SGSM1: variants seen among roughly 807,000 people sequenced by gnomAD.
SGSM1 encodes the protein RUN and TBC1 domain containing 2.
Under a neutral mutation model 133.8 loss-of-function variants are expected in SGSM1, and 73 were observed. The ratio of observed to expected loss-of-function variants is 0.55; its 90% confidence interval spans 0.45 to 0.66. The LOEUF (loss-of-function observed/expected upper bound fraction) is 0.66. SGSM1 is among the 30% of genes least tolerant of loss of function. The pLI, the probability that SGSM1 is intolerant of heterozygous loss-of-function variation, is 0.00. For missense variants in SGSM1, 1,213 were observed against 1,448.1 expected, an observed-to-expected ratio of 0.84 and a Z score of 2.64; for synonymous variants, 563 against 573.0, an observed-to-expected ratio of 0.98 and a Z score of 0.25.
At chr22:24,878,041 C>G (rs1932118644) in intron 13 of SGSM1, among the ~76,000 whole-genome samples, 1 of 151,982 alleles carries the variant, frequency 6.6e-6, no homozygotes, top group African/African-American at 2.4e-5. Context: ...GAACCCCTGA[C>G]CTCAAGTGAT....
At chr22:24,874,345 C>T (rs1353693098) in intron 12 of SGSM1, 2 of 1,491,422 alleles carry the variant, frequency 1.3e-6, no homozygotes, top group Non-Finnish European at 1.8e-6. Context: ...ACTGGCTCTT[C>T]CAGCTGTCTC....
At chr22:24,816,866 C>T (rs1601885352) in intron 2 of SGSM1, among the ~76,000 whole-genome samples, 1 of 152,292 alleles carries the variant, frequency 6.6e-6, no homozygotes, top group Non-Finnish European at 1.5e-5. Context: ...ATTCTGCCAG[C>T]TTGGCATTTC....
At chr22:24,908,912 T>TATGCAAATGGCCAAC (rs1228848812) in intron 21 of SGSM1, among the ~76,000 whole-genome samples, 2 of 152,016 alleles carry the variant, frequency 1.3e-5, no homozygotes, top group African/African-American at 4.8e-5. Context: ...AAATGGCCAA[T>TATGCAAATGGCCAAC]AAGCACATTA....
intron 21 of SGSM1, among the ~76,000 whole-genome samples, chr22:24,909,838 G>A (rs139759): frequency 0.38 from 57,487 of 151,876 alleles, 11,300 homozygotes; most frequent in East Asian, 0.64. Flanking sequence ...AATTTCATCC[G>A]TAGATATATG....
intron 24 of SGSM1, among the ~76,000 whole-genome samples, chr22:24,920,229 G>A (rs899869983): frequency 1.3e-5 from 2 of 152,162 alleles, no homozygotes; most frequent in African/African-American, 4.8e-5. Flanking sequence ...CAGCTCAGGG[G>A]CAAAGTCTGG....
chr22:24,866,847 G>A (rs558881689), intron 9 of SGSM1, among the ~76,000 whole-genome samples: 3 of 152,336 alleles, frequency 2.0e-5, no homozygotes, highest in African/African-American at 7.2e-5. Context: ...GTCCGAGGGT[G>A]GAGAGTGGGT....
chr22:24,816,459 A>G (rs1462888367), intron 2 of SGSM1, among the ~76,000 whole-genome samples: 1 of 117,894 alleles, frequency 8.5e-6, no homozygotes, highest in East Asian at 2.7e-4. Flanking sequence ...TCTGTTGCCT[A>G]GGCTGGAGTG....
At chr22:24,823,112 G>T (rs1166615585) in intron 2 of SGSM1, among the ~76,000 whole-genome samples, 2 of 152,130 alleles carry the variant, frequency 1.3e-5, no homozygotes, top group Non-Finnish European at 2.9e-5. Flanking sequence ...CATTTCACCT[G>T]ACCGGAACTC....
chr22:24,825,558 T>C (rs1928748705), intron 2 of SGSM1, among the ~76,000 whole-genome samples: 1 of 152,198 alleles, frequency 6.6e-6, no homozygotes, highest in African/African-American at 2.4e-5. Flanking sequence ...GTCTCCCTAG[T>C]AGCTGGGATT....
At chr22:24,823,562 C>G (rs1199643622) in intron 2 of SGSM1, among the ~76,000 whole-genome samples, 2 of 152,058 alleles carry the variant, frequency 1.3e-5, no homozygotes, top group African/African-American at 4.8e-5. Context: ...AATTGCGCCA[C>G]TGCACTCCAG....
intron 2 of SGSM1, among the ~76,000 whole-genome samples, chr22:24,834,256 C>T (rs983473778): frequency 2.0e-5 from 3 of 152,234 alleles, no homozygotes; most frequent in Admixed American, 6.5e-5. Context: ...CTAAGTAGGC[C>T]GTCTGGGCCA....
chr22:24,827,550 C>T (rs540838473), intron 2 of SGSM1, among the ~76,000 whole-genome samples: 32 of 152,130 alleles, frequency 2.1e-4, no homozygotes, highest in Admixed American at 1.2e-3. Context: ...CCAGGGAAGG[C>T]GGCACTGAGC....
chr22:24,898,661 C>T (rs139571809), intron 19 of SGSM1, 102 bp downstream of exon 19: 2 of 1,176,032 alleles, frequency 1.7e-6, no homozygotes, highest in East Asian at 4.8e-5. Context: ...AGTCAGACCT[C>T]TGGTTCGTTG....
chr22:24,872,286 G>C (rs181982875), intron 12 of SGSM1, among the ~76,000 whole-genome samples: 59 of 152,244 alleles, frequency 3.9e-4, no homozygotes, highest in African/African-American at 1.1e-3. Flanking sequence ...TGTGCTCTGG[G>C]GAGGCAAGGA....
chr22:24,924,599 T>G lies in SGSM1; in HGVS notation c.*325T>G. On this transcript the variant is annotated 3_prime_UTR_variant, in exon 25 of 25. Coordinates refer to ENST00000400358, the MANE Select transcript of SGSM1 (RefSeq NM_001098497.3). ...GCCCGGAATGGTCTCCTCTTCTTCT[T>G]TCCCTATCCCTCCAAACTGTCTTGT... is the stretch of plus-strand genomic sequence containing the variant. The G allele has an allele frequency of 2.7e-6, 1 of 367,386 alleles. No individual in the cohort carries two copies. The highest frequency in any genetic ancestry group is 5.1e-6 in the Non-Finnish European group (1 of 196,024). The allele number at this position is 367,386 out of a possible 1,614,324, so 22.8% of individuals were successfully genotyped here.
intron 21 of SGSM1, 26 bp downstream of exon 21, chr22:24,905,213 G>C (rs773522225): frequency 2.8e-5 from 45 of 1,605,072 alleles, no homozygotes; most frequent in Admixed American, 3.3e-5. Context: ...CTGCCCTAGG[G>C]CTGAGGGTGC....
chr22:24,834,112 C>T (rs1929287143), intron 2 of SGSM1, among the ~76,000 whole-genome samples: 1 of 152,268 alleles, frequency 6.6e-6, no homozygotes, highest in Non-Finnish European at 1.5e-5. Flanking sequence ...CTGGAGGTGA[C>T]AGCAGATGGT....
rs1282589134 is a variant in SGSM1 at position 24,926,186 on chromosome 22, C to T, written c.*1912C>T. The stretch of plus-strand genomic sequence containing the variant: ...TTGTGTGCTTGTAAAGGCTTCTTTC[C>T]CTTGGTATAGCAACTTCAACTGCAC... On this transcript the variant is annotated 3_prime_UTR_variant, in exon 25 of 25. Transcript: ENST00000400358. The T allele has an allele frequency of 6.6e-6, 1 of 152,234 alleles. No homozygotes were observed. The highest frequency in any genetic ancestry group is 1.5e-5 in the Non-Finnish European group (1 of 68,120). The allele number at this position is 152,234 out of a possible 1,614,324, so 9.4% of individuals were successfully genotyped here.
chr22:24,840,406 C>T (rs937669270), intron 2 of SGSM1, among the ~76,000 whole-genome samples: 6 of 152,092 alleles, frequency 3.9e-5, no homozygotes, highest in Non-Finnish European at 8.8e-5. Context: ...TGCAATAGTG[C>T]GTTCTCGGCT....
Sources: allele counts gnomAD v4.1 joint callset (sites outside exome capture counted in the v4.1 genomes callset), GRCh38; gene constraint gnomAD v4.1.1; transcripts MANE v1.5; gene names NCBI Gene and HGNC (gene_info 2026-07-23, HGNC 2026-07-21).